Variants in SAMMSON observed in about 807,000 individuals in gnomAD.
SAMMSON encodes the protein long intergenic non-protein coding RNA 1212.
chr3:70,342,730 A>G (rs1702720365), intron 7 of SAMMSON, among the ~76,000 whole-genome samples: 1 of 152,200 alleles, frequency 6.6e-6, no homozygotes, highest in Non-Finnish European at 1.5e-5. Context: ...GCCAAGGGAC[A>G]GTCAGTATTG....
At chr3:70,271,217 A>G (rs1701973289) in intron 6 of SAMMSON, among the ~76,000 whole-genome samples, 1 of 152,130 alleles carries the variant, frequency 6.6e-6, no homozygotes, top group African/African-American at 2.4e-5. Context: ...TCTGTTATTT[A>G]TCATTGATCT....
chr3:70,011,853 G>A (rs1052881469), intron 1 of SAMMSON, among the ~76,000 whole-genome samples: 1 of 152,094 alleles, frequency 6.6e-6, no homozygotes, highest in Non-Finnish European at 1.5e-5. Flanking sequence ...AATAATCACT[G>A]CTCATACTGT....
intron 4 of SAMMSON, among the ~76,000 whole-genome samples, chr3:70,230,112 A>C (rs904477357): frequency 6.6e-6 from 1 of 152,192 alleles, no homozygotes; most frequent in Non-Finnish European, 1.5e-5. Context: ...TATTTACTTA[A>C]GTTTATAGAA....
chr3:70,185,430 G>T (rs1178715109), intron 4 of SAMMSON, among the ~76,000 whole-genome samples: 1 of 152,120 alleles, frequency 6.6e-6, no homozygotes. Flanking sequence ...GGCATGTCAG[G>T]TCTGGGGCCC....
chr3:70,364,390 G>A (rs936065697), intron 9 of SAMMSON, among the ~76,000 whole-genome samples: 2 of 151,902 alleles, frequency 1.3e-5, no homozygotes, highest in Admixed American at 1.3e-4. Context: ...ACTTCCTTGA[G>A]TATATTGTAG....
intron 9 of SAMMSON, among the ~76,000 whole-genome samples, chr3:70,375,239 A>T (rs541698942): frequency 2.0e-5 from 3 of 151,956 alleles, no homozygotes; most frequent in Non-Finnish European, 4.4e-5. Context: ...AAATTATTGC[A>T]TTTATGCTTT....
intron 7 of SAMMSON, among the ~76,000 whole-genome samples, chr3:70,336,516 G>A (rs1263692708): frequency 1.3e-5 from 2 of 151,908 alleles, no homozygotes; most frequent in Non-Finnish European, 2.9e-5. Flanking sequence ...GAGGTTTGTG[G>A]GAGAAATTTG....
At chr3:70,189,010 T>G (rs907235335) in intron 4 of SAMMSON, among the ~76,000 whole-genome samples, 1 of 152,190 alleles carries the variant, frequency 6.6e-6, no homozygotes, top group South Asian at 2.1e-4. Context: ...GAGAGGGTGC[T>G]TGAGACCATG....
At chr3:70,362,097 T>C (rs988372457) in intron 9 of SAMMSON, among the ~76,000 whole-genome samples, 2 of 152,032 alleles carry the variant, frequency 1.3e-5, no homozygotes, top group African/African-American at 2.4e-5. Flanking sequence ...GCCTGTAAAG[T>C]GTGGTAGAAA....
chr3:70,376,790 T>C (rs1372872021), intron 9 of SAMMSON, among the ~76,000 whole-genome samples: 2 of 152,182 alleles, frequency 1.3e-5, no homozygotes, highest in Non-Finnish European at 1.5e-5. Context: ...AGAAATGTCA[T>C]ATTGTTAATT....
chr3:70,370,395 C>T (rs910484890), intron 9 of SAMMSON, among the ~76,000 whole-genome samples: 8 of 152,000 alleles, frequency 5.3e-5, no homozygotes, highest in Admixed American at 1.3e-4. Context: ...TACGGTTTTC[C>T]GTGGTGGGTT....
intron 9 of SAMMSON, among the ~76,000 whole-genome samples, chr3:70,388,377 C>T (rs982439637): frequency 6.6e-6 from 1 of 152,000 alleles, no homozygotes; most frequent in East Asian, 1.9e-4. Context: ...TGGTTCTTTA[C>T]AAAAAAGTTT....
chr3:70,061,924 G>T (rs1279579049), intron 3 of SAMMSON, among the ~76,000 whole-genome samples: 1 of 152,064 alleles, frequency 6.6e-6, no homozygotes, highest in Admixed American at 6.6e-5. Context: ...ATGAATAAAT[G>T]ATTCTATGTG....
chr3:70,077,533 A>G (rs1441972721), intron 4 of SAMMSON, among the ~76,000 whole-genome samples: 1 of 152,178 alleles, frequency 6.6e-6, no homozygotes, highest in Admixed American at 6.6e-5. Flanking sequence ...ATTAATAGCT[A>G]CTAAGTTTGG....
intron 4 of SAMMSON, among the ~76,000 whole-genome samples, chr3:70,073,271 G>A (rs1340035786): frequency 3.3e-5 from 5 of 151,998 alleles, no homozygotes; most frequent in African/African-American, 9.7e-5. Context: ...TATAGTCTTA[G>A]GTGTTGGCAC....
At chr3:70,162,913 A>AT (rs1175388505) in intron 4 of SAMMSON, among the ~76,000 whole-genome samples, 1 of 151,860 alleles carries the variant, frequency 6.6e-6, no homozygotes, top group East Asian at 1.9e-4. Context: ...CTCTAGAAAT[A>AT]TTTTTTAATC....
chr3:70,405,190 G>A (rs1701168937), intron 2 of SAMMSON, among the ~76,000 whole-genome samples: 1 of 152,240 alleles, frequency 6.6e-6, no homozygotes, highest in African/African-American at 2.4e-5. Context: ...AATAGTAGGT[G>A]TGCTAAACAA....
intron 4 of SAMMSON, among the ~76,000 whole-genome samples, chr3:70,100,532 G>C (rs77658549): frequency 3.2e-3 from 1 of 316 alleles, no homozygotes; most frequent in Non-Finnish European, 6.9e-3. Context: ...GGGGGGGGGG[G>C]GAAGCACCAA....
chr3:70,174,527 T>G (rs1700995266), intron 4 of SAMMSON, among the ~76,000 whole-genome samples: 1 of 151,928 alleles, frequency 6.6e-6, no homozygotes. Context: ...TTGTAGATAT[T>G]TAGTAGCCCT....
Sources: allele counts gnomAD v4.1 joint callset (sites outside exome capture counted in the v4.1 genomes callset), GRCh38; gene constraint gnomAD v4.1.1; transcripts MANE v1.5; gene names NCBI Gene and HGNC (gene_info 2026-07-23, HGNC 2026-07-21).